KMT5B: variants seen among roughly 807,000 people sequenced by gnomAD.
KMT5B encodes lysine methyltransferase 5B.
Under a neutral mutation model 83.2 loss-of-function variants are expected in KMT5B, and 10 were observed. The observed-to-expected ratio is 0.12, with a 90% CI of 0.07 to 0.20. The LOEUF (loss-of-function observed/expected upper bound fraction) is 0.20, where lower values mean the gene tolerates loss of function less well. Among genes scored for constraint, KMT5B ranks in the 10% least tolerant of loss-of-function variants. The pLI, the probability that KMT5B is intolerant of heterozygous loss-of-function variation, is 1.00. For missense variants in KMT5B, 753 were observed against 1,067.2 expected (o/e 0.71, Z 4.10); for synonymous variants, 349 against 388.8 (o/e 0.90, Z 1.20).
At chr11:68,163,915 C>G (rs1454975684) in intron 10 of KMT5B, among the ~76,000 whole-genome samples, 1 of 152,176 alleles carries the variant, frequency 6.6e-6, no homozygotes, top group Admixed American at 6.5e-5. Flanking sequence ...AGATCAACTT[C>G]TCCCTCTGGC....
In KMT5B at chr11:68,171,215, A is replaced by AT. The variant is rs772639647; in HGVS notation, c.840+16dup. The AT allele has an allele frequency of 1.9e-6, 3 of 1,602,458 alleles. No homozygotes were observed. The highest frequency in any genetic ancestry group is 8.5e-7 in the Non-Finnish European group (1 of 1,177,534). On this transcript the variant is annotated intron_variant, in intron 8 of 10. Transcript: ENST00000304363. The surrounding 1 kb of genome is among the most constrained non-coding windows in gnomAD (Gnocchi z 5.1). The stretch of plus-strand genomic sequence containing the variant: ...AGCAAAAACAAAATACTTGAAGAAA[A>AT]TTTTTTTAATGCTTACCTTACAATT...
chr11:68,163,701 AAGG>A (rs139827449), intron 10 of KMT5B, among the ~76,000 whole-genome samples: 3,052 of 152,312 alleles, frequency 0.02, 106 homozygotes, highest in African/African-American at 0.069. Flanking sequence ...CCTCGGTCTC[AAGG>A]AGTTTACTTG....
intron 1 of KMT5B, among the ~76,000 whole-genome samples, chr11:68,199,647 T>C (rs1859169389): frequency 6.6e-6 from 1 of 152,194 alleles, no homozygotes; most frequent in African/African-American, 2.4e-5. Context: ...TACATGGTAC[T>C]TTAAAAAAGC....
chr11:68,177,744 C>G (rs1199095402), intron 4 of KMT5B, among the ~76,000 whole-genome samples: 1 of 152,128 alleles, frequency 6.6e-6, no homozygotes, highest in Non-Finnish European at 1.5e-5. Context: ...CAGATAAATG[C>G]AAGTCCTTTA....
chr11:68,188,522 T>C (rs78341075), intron 2 of KMT5B, among the ~76,000 whole-genome samples: 4 of 152,044 alleles, frequency 2.6e-5, no homozygotes, highest in Admixed American at 6.6e-5. Context: ...AATTTTTTTG[T>C]AGACACGGTA....
intron 1 of KMT5B, among the ~76,000 whole-genome samples, chr11:68,190,791 T>C (rs1857949903): frequency 6.6e-6 from 1 of 152,162 alleles, no homozygotes; most frequent in Admixed American, 6.5e-5. Context: ...GAGACCAGCC[T>C]GGGCAACATG....
intron 3 of KMT5B, among the ~76,000 whole-genome samples, chr11:68,180,573 G>C (rs993476133): frequency 6.6e-6 from 1 of 152,204 alleles, no homozygotes; most frequent in Non-Finnish European, 1.5e-5. Flanking sequence ...AGAAAAATGA[G>C]TAAGGACTGT....
rs778082871 is a variant in KMT5B, at chr11:68,157,689, T to C, written c.2657A>G (p.Ter886=). ...REDQSLRLNA[*] Reference sequence around the variant, plus strand: ...CCAGGTCAAGTTAAGACCAAGAGCTTAGGCATTAAGCCTTAAAGACTGATC... The same window carrying C: ...CCAGGTCAAGTTAAGACCAAGAGCTCAGGCATTAAGCCTTAAAGACTGATC... Residue 886 remains the stop codon, a stop_retained_variant, in exon 11 of 11, where the codon TAA becomes TGA. Transcript: ENST00000304363. 1.9e-6 allele frequency: 3 copies of C among 1,549,488 alleles called. No individual in the cohort carries two copies. Among genetic ancestry groups the C allele is most frequent in the East Asian group, 2.3e-5 (1 of 44,168 alleles).
intron 1 of KMT5B, among the ~76,000 whole-genome samples, chr11:68,204,539 C>T (rs745643079): frequency 8.6e-5 from 13 of 151,840 alleles, no homozygotes; most frequent in Non-Finnish European, 1.3e-4. Context: ...GCCCTGCCAA[C>T]GCCTTGACTT....
chr11:68,177,682 A>T (rs1856512629), intron 4 of KMT5B, among the ~76,000 whole-genome samples: 1 of 152,206 alleles, frequency 6.6e-6, no homozygotes, highest in African/African-American at 2.4e-5. Context: ...TGAAGAAATG[A>T]ACAGGGCCCT....
intron 1 of KMT5B, among the ~76,000 whole-genome samples, chr11:68,202,546 CTTTTTTT>C (rs71040602): frequency 8.2e-6 from 1 of 121,988 alleles, no homozygotes. Context: ...CTAAGACACA[CTTTTTTT>C]TTTTTTTTTT....
Position 68,158,132 on chromosome 11 carries a change from C to A in KMT5B, c.2214G>T (p.Met738Ile), listed in dbSNP as rs748045269. The change falls in exon 11 of 11, where the codon ATG (methionine) becomes ATT (isoleucine). Residue 738 changes from methionine (M) to isoleucine (I), a missense_variant. Physicochemically the swap from Met to Ile is conservative, Grantham distance 10. Around this residue, in one of 9 missense-constraint regions of KMT5B, gnomAD observed 161 missense variants for 195.1 expected, o/e 0.83. Transcript: ENST00000304363. ...ACTTGATGCTTATTTTGGAAGAGTT[C>A]ATTCCATCATTCTCTTGGTCATTTG... ...SKTNDQENDG[M>I]NSSKISIKLS... 8.7e-6 allele frequency: 14 copies of A among 1,614,034 alleles called. No individual in the cohort carries two copies. In the South Asian group the frequency reaches 1.3e-4, roughly 15 times the overall value.
chr11:68,173,935 G>T, intron 5 of KMT5B, 22 bp from the exon 6 acceptor site: 1 of 1,375,286 alleles, frequency 7.3e-7, no homozygotes, highest in South Asian at 1.2e-5. Flanking sequence ...AAAAAAAATT[G>T]ATAATGACTT....
At chr11:68,206,981 G>A (rs550139055) in intron 1 of KMT5B, among the ~76,000 whole-genome samples, 1 of 152,140 alleles carries the variant, frequency 6.6e-6, no homozygotes, top group Admixed American at 6.5e-5. Context: ...AGTGGCTCAC[G>A]TCTGTAATCC....
chr11:68,178,153 A>T (rs1246250070), intron 4 of KMT5B, among the ~76,000 whole-genome samples: 1 of 152,242 alleles, frequency 6.6e-6, no homozygotes, highest in Non-Finnish European at 1.5e-5. Flanking sequence ...CAAACGACAG[A>T]AAGGGCCAAG....
In KMT5B at chr11:68,157,476, G is replaced by T; in HGVS notation, c.*212C>A. 1.6e-6 allele frequency: 1 copy of T among 609,198 alleles called. No homozygotes were observed. Among genetic ancestry groups the T allele is most frequent in the Non-Finnish European group, 2.4e-6 (1 of 419,854 alleles). 37.7% of individuals were successfully genotyped at this position (609,198 alleles called of 1,614,324 possible). On this transcript the variant is annotated 3_prime_UTR_variant, in exon 11 of 11. Coordinates refer to ENST00000304363, the MANE Select transcript of KMT5B (RefSeq NM_017635.5). ...AGGGCTTTACCTCTAACTCAGAATT[G>T]CACGTAAGAAGGCTATTTAAAAAGT... is the stretch of plus-strand genomic sequence containing the variant.
At chr11:68,213,004 C>G (rs1346723010) in intron 1 of KMT5B, 134 bp downstream of exon 1, 6 of 112,784 alleles carry the variant, frequency 5.3e-5, no homozygotes, top group Non-Finnish European at 7.6e-5. Flanking sequence ...TTGCGCCCGG[C>G]CCCGGCCCCA....
At chr11:68,161,505 ACT>A (rs1264809707) in intron 10 of KMT5B, among the ~76,000 whole-genome samples, 4 of 151,186 alleles carry the variant, frequency 2.6e-5, no homozygotes, top group Admixed American at 6.6e-5. Context: ...CTTACACAAC[ACT>A]CACATCTATG....
chr11:68,173,555 C>T (rs995719100), intron 6 of KMT5B, among the ~76,000 whole-genome samples: 14 of 152,120 alleles, frequency 9.2e-5, no homozygotes, highest in Non-Finnish European at 4.4e-5. Flanking sequence ...AATCATATCA[C>T]TGAACAGGCA....
Sources: allele counts gnomAD v4.1 joint callset (sites outside exome capture counted in the v4.1 genomes callset), GRCh38; gene constraint gnomAD v4.1.1; regional missense constraint gnomAD v4.1.1; non-coding constraint Gnocchi (gnomAD v3.1); transcripts MANE v1.5; gene names NCBI Gene and HGNC (gene_info 2026-07-23, HGNC 2026-07-21).